TG: variants seen among roughly 807,000 people sequenced by gnomAD.
TG encodes thyroid hormones.
A neutral mutation model predicts 324.7 loss-of-function variants in TG; 270 were observed. That is an observed-to-expected ratio of 0.83 (90% CI 0.75 to 0.92). The LOEUF (loss-of-function observed/expected upper bound fraction) is 0.92, where lower values mean the gene tolerates loss of function less well. Among genes scored for constraint, TG ranks in the 40% least tolerant of loss-of-function variants. The probability of loss-of-function intolerance (pLI) is 0.00; values close to 1 mark genes in which losing one functional copy is unlikely to be tolerated. For synonymous variants in TG, 1,401 were observed against 1,327.0 expected, an observed-to-expected ratio of 1.06 and a Z score of -1.21; for missense variants, 3,591 against 3,456.4, an observed-to-expected ratio of 1.04 and a Z score of -0.98.
intron 43 of TG, among the ~76,000 whole-genome samples, chr8:133,108,005 A>C (rs1368839445): frequency 1.3e-5 from 1 of 79,670 alleles, no homozygotes; most frequent in Admixed American, 1.2e-4. Context: ...TTTTTTTGAG[A>C]CAGAGTCTCA....
At chr8:133,007,265 G>C (rs910052929) in intron 35 of TG, among the ~76,000 whole-genome samples, 1 of 151,952 alleles carries the variant, frequency 6.6e-6, no homozygotes, top group African/African-American at 2.4e-5. Flanking sequence ...GAGGAGAGGC[G>C]GGGACGGAAG....
chr8:132,924,594 G>T (rs1821564033), intron 22 of TG, among the ~76,000 whole-genome samples: 1 of 152,190 alleles, frequency 6.6e-6, no homozygotes, highest in African/African-American at 2.4e-5. Flanking sequence ...GGATGGGAAA[G>T]TCCCAGGTAA....
At chr8:133,044,893 A>C (rs1839013068) in intron 41 of TG, 12 of 1,299,626 alleles carry the variant, frequency 9.2e-6, no homozygotes, top group Non-Finnish European at 1.3e-5. Context: ...AGTAAGCAAG[A>C]CCCCTCTGCA....
At chr8:132,902,424 T>C (rs1420251681) in intron 16 of TG, among the ~76,000 whole-genome samples, 2 of 151,418 alleles carry the variant, frequency 1.3e-5, no homozygotes, top group South Asian at 2.1e-4. Context: ...GAGGGAAGAG[T>C]CCCCCCACTC....
Position 132,887,232 on chromosome 8 carries a change from C to CA in TG, c.1861dup (p.Thr621AsnfsTer7), listed in dbSNP as rs769964868. The CA allele has an allele frequency of 1.2e-6, 2 of 1,608,210 alleles. No homozygotes were observed. The highest frequency in any genetic ancestry group is 2.7e-5 in the African/African-American group (2 of 74,816). On this transcript the variant is annotated frameshift_variant, in exon 9 of 48. Transcript: ENST00000220616. LOFTEE classifies it high-confidence loss of function. The stretch of plus-strand genomic sequence containing the variant: ...CTGAAAGGCTATTTGTCCCATCATG[C>CA]ACGACAGAAGGAAGCTATGAGGATG...
intron 34 of TG, among the ~76,000 whole-genome samples, chr8:132,975,291 A>T (rs1002799611): frequency 6.6e-6 from 1 of 152,234 alleles, no homozygotes; most frequent in Non-Finnish European, 1.5e-5. Flanking sequence ...TTACTCATGG[A>T]AGAATCGGGT....
At chr8:133,007,434 G>C (rs1429214084) in intron 35 of TG, among the ~76,000 whole-genome samples, 2 of 151,528 alleles carry the variant, frequency 1.3e-5, no homozygotes, top group African/African-American at 4.9e-5. Context: ...AATTTTTCTT[G>C]GGCCAGATAT....
chr8:132,899,353 G>A (rs1392218810), intron 14 of TG, among the ~76,000 whole-genome samples: 1 of 152,156 alleles, frequency 6.6e-6, no homozygotes, highest in Non-Finnish European at 1.5e-5. Context: ...ATAATTCAGC[G>A]AAGTACTGAT....
Position 132,882,572 on chromosome 8 carries a change from G to T in TG, c.849G>T (p.Arg283=). Reference sequence around the variant, plus strand: ...CCCTGTACCGGATACTGCAGAGACGGTTCCTCGCAGTTCAATCAGTCATCT... The same window carrying T: ...CCCTGTACCGGATACTGCAGAGACGTTTCCTCGCAGTTCAATCAGTCATCT... The part of the protein sequence containing the change: ...ETTLYRILQR[R]FLAVQSVISG... The change falls in exon 7 of 48, where the codon CGG becomes CGT. Residue 283 remains arginine, a synonymous_variant. Coordinates refer to ENST00000220616, the MANE Select transcript of TG (RefSeq NM_003235.5). 1 of 1,614,236 alleles carries T rather than the reference G, an allele frequency of 6.2e-7. No individual in the cohort carries two copies. Among genetic ancestry groups the T allele is most frequent in the Non-Finnish European group, 8.5e-7 (1 of 1,180,042 alleles).
At chr8:133,022,523 C>CA (rs1835658406) in intron 40 of TG, among the ~76,000 whole-genome samples, 1 of 152,176 alleles carries the variant, frequency 6.6e-6, no homozygotes, top group Non-Finnish European at 1.5e-5. Context: ...TTGCCCTGAA[C>CA]AACCCCAGGG....
intron 43 of TG, among the ~76,000 whole-genome samples, chr8:133,110,645 C>T (rs1473354586): frequency 1.3e-5 from 2 of 152,186 alleles, no homozygotes; most frequent in Non-Finnish European, 2.9e-5. Context: ...AGGGCGTATG[C>T]CAGACTTTGA....
rs759282355 is a variant in TG at position 133,096,319 on chromosome 8, G to A, written c.7518G>A (p.Leu2506=). 1.2e-6 allele frequency: 2 copies of A among 1,614,180 alleles called. No individual in the cohort carries two copies. The highest frequency in any genetic ancestry group is 2.2e-5 in the South Asian group (2 of 91,086). The change falls in exon 43 of 48, where the codon CTG becomes CTA. Residue 2506 remains leucine, a synonymous_variant. Transcript: ENST00000220616. ...LKRSLWVEVD[L]LIGSSQDDGL... is the part of the protein sequence containing the mutation. Reference sequence around the variant, plus strand: ...GGTCTTTATGGGTAGAGGTCGATCTGCTCATTGGGAGTTCTCAGGACGACG... The same window carrying A: ...GGTCTTTATGGGTAGAGGTCGATCTACTCATTGGGAGTTCTCAGGACGACG...
At chr8:132,980,760 G>C (rs917979718) in intron 34 of TG, among the ~76,000 whole-genome samples, 4 of 152,098 alleles carry the variant, frequency 2.6e-5, no homozygotes, top group Non-Finnish European at 4.4e-5. Flanking sequence ...TGGTCCAGAG[G>C]GTTGAAGAAT....
chr8:133,134,878 T>C lies in TG; in HGVS notation c.*84T>C, dbSNP rs934003431. The C allele has an allele frequency of 9.6e-7, 1 of 1,038,668 alleles. No homozygotes were observed. The highest frequency in any genetic ancestry group is 1.6e-5 in the African/African-American group (1 of 63,798). 64.3% of individuals were successfully genotyped at this position (1,038,668 alleles called of 1,614,324 possible). On this transcript the variant is annotated 3_prime_UTR_variant, in exon 48 of 48. Transcript: ENST00000220616. ...CTCTAAAATAGCCACTTACCTTCAATAAAGTATCTACATGCGGTGAAGCAT... is the reference window on the plus strand; with the variant it reads ...CTCTAAAATAGCCACTTACCTTCAACAAAGTATCTACATGCGGTGAAGCAT...
intron 33 of TG, chr8:132,972,208 G>C (rs1217948413): frequency 4.4e-6 from 2 of 451,654 alleles, no homozygotes; most frequent in Non-Finnish European, 8.1e-6. Flanking sequence ...ATGCTTGGTT[G>C]ATTCCCTTAC....
chr8:133,012,481 A>G (rs1225196745), intron 36 of TG, among the ~76,000 whole-genome samples: 1 of 152,204 alleles, frequency 6.6e-6, no homozygotes, highest in Non-Finnish European at 1.5e-5. Flanking sequence ...ATGACTTTTT[A>G]ATAGGCAAAG....
chr8:133,113,519 AG>A lies in TG; in HGVS notation c.7672del (p.Ala2558LeufsTer36), dbSNP rs768907494. 5 of 1,614,042 alleles carry A rather than the reference AG, an allele frequency of 3.1e-6. No individual in the cohort carries two copies. Among genetic ancestry groups the A allele is most frequent in the Non-Finnish European group, 4.2e-6 (5 of 1,180,016 alleles). ...LGGEDSDARV[E>X]AAATWYYSLE... ...GGCGAGGACTCAGATGCCCGCGTCG[AG>A]GCTGCTGCTACATGGTATTACTCTC... On this transcript the variant is annotated frameshift_variant, in exon 44 of 48. Transcript: ENST00000220616. LOFTEE classifies it high-confidence loss of function.
chr8:133,038,802 A>T, intron 41 of TG: 2 of 1,067,302 alleles, frequency 1.9e-6, no homozygotes, highest in East Asian at 2.5e-5. Context: ...AGAGGAGGAG[A>T]TAAAGGGCAA....
intron 41 of TG, among the ~76,000 whole-genome samples, chr8:133,056,466 C>T (rs937468684): frequency 6.6e-6 from 1 of 152,156 alleles, no homozygotes; most frequent in Non-Finnish European, 1.5e-5. Context: ...GAGACGAGCC[C>T]ATCCTCTTCC....
Sources: gnomAD v4.1 joint callset for allele counts (sites outside exome capture counted in the v4.1 genomes callset) on GRCh38, gnomAD v4.1.1 for gene constraint, MANE v1.5 for transcripts, NCBI Gene and HGNC (gene_info 2026-07-23, HGNC 2026-07-21) for gene names.